Variants in SLC9A5 observed in about 807,000 individuals in gnomAD.
SLC9A5 encodes the protein sodium/hydrogen exchanger 5.
In SLC9A5, 52 loss-of-function variants were observed where a neutral mutation model predicts 91.7. The ratio of observed to expected loss-of-function variants is 0.57; its 90% confidence interval spans 0.45 to 0.71. SLC9A5 has a LOEUF of 0.71. SLC9A5 is among the 30% of genes least tolerant of loss of function. The pLI is 0.00. For synonymous variants in SLC9A5, 419 were observed against 474.5 expected (o/e 0.88, Z 1.52); for missense variants, 871 against 1,158.9 (o/e 0.75, Z 3.61).
intron 15 of SLC9A5, among the ~76,000 whole-genome samples, chr16:67,266,650 C>T (rs566764046): frequency 1.5e-3 from 232 of 152,152 alleles, no homozygotes; most frequent in Non-Finnish European, 2.5e-3. Context: ...AAGCAATTCT[C>T]CTGCCTCAGC....
chr16:67,258,234 C>G lies in SLC9A5; in HGVS notation c.1497-84C>G. 3.4e-6 allele frequency: 5 copies of G among 1,452,594 alleles called. No individual in the cohort carries two copies. Among genetic ancestry groups the G allele is most frequent in the Non-Finnish European group, 4.8e-6 (5 of 1,048,034 alleles). 90.0% of individuals were successfully genotyped at this position (1,452,594 alleles called of 1,614,324 possible). On this transcript the variant is annotated intron_variant, in intron 9 of 15. Coordinates refer to ENST00000299798, the MANE Select transcript of SLC9A5 (RefSeq NM_004594.3). The surrounding 1 kb of genome is among the most constrained non-coding windows in gnomAD (Gnocchi z 4.5). ...ATCTAAAAAGCCAGGCCAGTGCTGA[C>G]GGTGTCCTTGCCCCGTCTGAGGAAG...
chr16:67,257,168 T>C lies in SLC9A5; in HGVS notation c.1335+55T>C. On this transcript the variant is annotated intron_variant, in intron 7 of 15. Transcript: ENST00000299798. This position sits in a 1 kb window ranked among gnomAD's most constrained non-coding sequence, Gnocchi z 5.1. ...GAGGGTTGGGCAGGCCCTGGGGGAG[T>C]CTTGGAGCCTGTGGGACAGGGGCTT... 1.3e-6 allele frequency: 2 copies of C among 1,531,374 alleles called. No homozygotes were observed. The highest frequency in any genetic ancestry group is 1.9e-4 in the Middle Eastern group (1 of 5,342). 94.9% of individuals were successfully genotyped at this position (1,531,374 alleles called of 1,614,324 possible).
chr16:67,249,141 G>C lies in SLC9A5; in HGVS notation c.127G>C (p.Glu43Gln). Residue 43 changes from glutamate (E) to glutamine (Q), a missense_variant, in exon 1 of 16, where the codon GAG becomes CAG. This residue lies in a region of SLC9A5 where 122 missense variants were observed against 114.5 expected (regional missense o/e 1.07). Coordinates refer to ENST00000299798, the MANE Select transcript of SLC9A5 (RefSeq NM_004594.3). ...GLELFRWQWH[E>Q]VEAPYLVALW... is the part of the protein sequence containing the mutation. ...AGAGCTCTTCCGCTGGCAGTGGCAC[G>C]AGGTGGAGGCGCCCTACCTGGTGGC... 2 of 1,561,334 alleles carry C rather than the reference G, an allele frequency of 1.3e-6. No individual in the cohort carries two copies. The highest frequency in any genetic ancestry group is 1.7e-6 in the Non-Finnish European group (2 of 1,159,544).
chr16:67,255,466 G>A lies in SLC9A5; in HGVS notation c.728G>A (p.Gly243Glu). 6.2e-7 allele frequency: 1 copy of A among 1,613,848 alleles called. No individual in the cohort carries two copies. The highest frequency in any genetic ancestry group is 1.3e-5 in the African/African-American group (1 of 75,044). ...GTGCAGGCCACTGACTACCTGAAGG[G>A]AGTCGGTCAGTATTTCCCCGCTCCC... ...ANVQATDYLK[G>E]VASLFVVSLG... Residue 243 changes from glycine (G) to glutamate (E), a missense_variant, in exon 4 of 16, where the codon GGA becomes GAA. Coordinates refer to ENST00000299798, the MANE Select transcript of SLC9A5 (RefSeq NM_004594.3). The surrounding 1 kb of genome is among the most constrained non-coding windows in gnomAD (Gnocchi z 4.9).
intron 10 of SLC9A5, among the ~76,000 whole-genome samples, chr16:67,259,252 G>C (rs8064216): frequency 0.12 from 16,509 of 136,466 alleles, 2,332 homozygotes; most frequent in African/African-American, 0.35. Context: ...ATGTGACAGA[G>C]CAAGACTGTG....
intron 15 of SLC9A5, 62 bp downstream of exon 15, chr16:67,266,287 C>T: frequency 6.7e-7 from 1 of 1,483,108 alleles, no homozygotes; most frequent in Non-Finnish European, 9.0e-7. Flanking sequence ...TCTCTTCACT[C>T]ATGGCCTCTA....
intron 12 of SLC9A5, chr16:67,262,674 T>C (rs1200987769): frequency 5.1e-5 from 11 of 213,864 alleles, no homozygotes; most frequent in Non-Finnish European, 1.1e-4. Flanking sequence ...AGAGAATGGA[T>C]AAGTTCTCTG....
At position 67,271,111 on chromosome 16, in the gene SLC9A5, G is replaced by A; in HGVS notation, c.2592G>A (p.Glu864=). 1 of 1,613,848 alleles carries A rather than the reference G, an allele frequency of 6.2e-7. No individual in the cohort carries two copies. The highest frequency in any genetic ancestry group is 8.5e-7 in the Non-Finnish European group (1 of 1,180,026). The change falls in exon 16 of 16, where the codon GAG becomes GAA. Residue 864 remains glutamate, a synonymous_variant. Transcript: ENST00000299798. The stretch of plus-strand genomic sequence containing the variant: ...GCGCTGACCTCCCCCAGCAGCAGGA[G>A]CTGCAGCCCCTCATGGGCCACAAGG... ...ESSADLPQQQ[E]LQPLMGHKDH...
Position 67,255,656 on chromosome 16 carries a change from G to T in SLC9A5, c.734-97G>T, listed in dbSNP as rs776915034. ...TGGGGTTTTGAGCCCCTGGGAGTGCGGTGGGCATCATCCCTCACTCCCTGC... is the reference window on the plus strand; with the variant it reads ...TGGGGTTTTGAGCCCCTGGGAGTGCTGTGGGCATCATCCCTCACTCCCTGC... On this transcript the variant is annotated intron_variant, in intron 4 of 15. Coordinates refer to ENST00000299798, the MANE Select transcript of SLC9A5 (RefSeq NM_004594.3). The surrounding 1 kb of genome is among the most constrained non-coding windows in gnomAD (Gnocchi z 4.9). The T allele has an allele frequency of 2.9e-6, 4 of 1,388,122 alleles. No homozygotes were observed. Among genetic ancestry groups the T allele is most frequent in the Non-Finnish European group, 4.0e-6 (4 of 1,009,898 alleles). The allele number at this position is 1,388,122 out of a possible 1,614,324, so 86.0% of individuals were successfully genotyped here.
rs760031905 is a variant in SLC9A5, at chr16:67,255,549, G to A, written c.733+78G>A. 6 of 1,444,930 alleles carry A rather than the reference G, an allele frequency of 4.2e-6. No individual in the cohort carries two copies. Among genetic ancestry groups the A allele is most frequent in the Non-Finnish European group, 4.9e-6 (5 of 1,028,128 alleles). The allele number at this position is 1,444,930 out of a possible 1,614,324, so 89.5% of individuals were successfully genotyped here. ...GCTGAGGCCCTCCCACCCCGCATCA[G>A]GACAGAAGAGGCTATTCGGGTTGCC... On this transcript the variant is annotated intron_variant, in intron 4 of 15. Transcript: ENST00000299798. The surrounding 1 kb of genome is among the most constrained non-coding windows in gnomAD (Gnocchi z 4.9).
intron 1 of SLC9A5, 143 bp downstream of exon 1, chr16:67,249,344 G>T: frequency 3.3e-6 from 2 of 613,512 alleles, no homozygotes; most frequent in South Asian, 4.4e-5. Flanking sequence ...CCGGGCTCTC[G>T]CCCAGTTCCT....
rs2035347469 is a variant in SLC9A5 at position 67,257,090 on chromosome 16, GTCT to G, written c.1318_1320del (p.Phe440del). 1 of 1,611,708 alleles carries G rather than the reference GTCT, an allele frequency of 6.2e-7. No individual in the cohort carries two copies. Among genetic ancestry groups the G allele is most frequent in the South Asian group, 1.1e-5 (1 of 91,086 alleles). ...CTTTGTAGCCACCACTATTGTAGTG[GTCT>G]TCTTCACAGTCATCGTGCAGGTGGG... On this transcript the variant is annotated inframe_deletion, in exon 7 of 16. Transcript: ENST00000299798. The surrounding 1 kb of genome is among the most constrained non-coding windows in gnomAD (Gnocchi z 5.1).
Position 67,270,279 on chromosome 16 carries a change from G to A in SLC9A5, c.2219-459G>A, listed in dbSNP as rs372694789. On this transcript the variant is annotated intron_variant, in intron 15 of 15. Coordinates refer to ENST00000299798, the MANE Select transcript of SLC9A5 (RefSeq NM_004594.3). This position sits in a 1 kb window ranked among gnomAD's most constrained non-coding sequence, Gnocchi z 4.3. ...CGGCTCATTGCAACCTCTGCCTCCCGGGTTCAAGTGATTCTCTTGCCTCAG... is the reference window on the plus strand; with the variant it reads ...CGGCTCATTGCAACCTCTGCCTCCCAGGTTCAAGTGATTCTCTTGCCTCAG... Among the ~76,000 whole-genome samples, 1 of 152,080 alleles carries A rather than the reference G, an allele frequency of 6.6e-6. No individual in the cohort carries two copies.
In SLC9A5 at chr16:67,250,411, C is replaced by T. The variant is rs1327754906; in HGVS notation, c.187+1210C>T. On this transcript the variant is annotated intron_variant, in intron 1 of 15. Coordinates refer to ENST00000299798, the MANE Select transcript of SLC9A5 (RefSeq NM_004594.3). ...TGGAGAGATCTATGACCATGTTTAC[C>T]TTAGAGGTCCAGCAGCAATGAGAGT... Among the ~76,000 whole-genome samples the T allele has an allele frequency of 2.6e-5, 4 of 152,084 alleles. No homozygotes were observed. In the East Asian group the frequency reaches 7.7e-4, roughly 29 times the overall value.
In SLC9A5 at chr16:67,265,068, C is replaced by T. The variant is rs2035655434; in HGVS notation, c.2042C>T (p.Thr681Ile). ...GATGGTGTGGCGAATGCTGAGGCTA[C>T]AAATGGGAAACATCGAGGCCTGGGC... ...KKDGVANAEA[T>I]NGKHRGLGFQ... The change falls in exon 14 of 16, where the codon ACA becomes ATA. Residue 681 changes from threonine to isoleucine, a missense_variant. This residue lies in a region of SLC9A5 where 295 missense variants were observed against 326.0 expected (regional missense o/e 0.90). Coordinates refer to ENST00000299798, the MANE Select transcript of SLC9A5 (RefSeq NM_004594.3). The T allele has an allele frequency of 6.2e-7, 1 of 1,613,958 alleles. No homozygotes were observed. The highest frequency in any genetic ancestry group is 8.5e-7 in the Non-Finnish European group (1 of 1,180,014).
intron 1 of SLC9A5, among the ~76,000 whole-genome samples, chr16:67,250,268 C>T (rs745349957): frequency 4.6e-5 from 7 of 151,894 alleles, no homozygotes; most frequent in Non-Finnish European, 8.8e-5. Flanking sequence ...ATATGCCTTC[C>T]GGGAGCGTGG....
In SLC9A5 at chr16:67,271,202, C is replaced by T. The variant is rs777705471; in HGVS notation, c.2683C>T (p.Arg895Trp). The change falls in exon 16 of 16, where the codon CGG (arginine) becomes TGG (tryptophan). Residue 895 changes from arginine (R) to tryptophan (W), a missense_variant. This residue lies in a region of SLC9A5 where 295 missense variants were observed against 326.0 expected (regional missense o/e 0.90). Transcript: ENST00000299798. Reference protein sequence around the residue: ...HWCIQFNRGSRL With the variant: ...HWCIQFNRGSWL ...GTGCATCCAGTTCAACAGAGGCAGC[C>T]GGCTGTAGCTCAAGGCCTCGGGGAG... 16 of 1,611,208 alleles carry T rather than the reference C, an allele frequency of 9.9e-6. No individual in the cohort carries two copies. The highest frequency in any genetic ancestry group is 1.7e-5 in the Admixed American group (1 of 59,944).
intron 14 of SLC9A5, 33 bp from the exon 15 acceptor site, chr16:67,266,055 A>T (rs1302972244): frequency 6.2e-7 from 1 of 1,607,582 alleles, no homozygotes; most frequent in African/African-American, 1.3e-5. Context: ...CTGCCAGCCC[A>T]GGATGCCTGA....
rs1342743614 is a variant in SLC9A5 at position 67,258,242 on chromosome 16, T to C, written c.1497-76T>C. The C allele has an allele frequency of 7.9e-6, 12 of 1,522,842 alleles. No homozygotes were observed. The East Asian group carries it at 1.4e-4, about 17-fold the overall frequency. The allele number at this position is 1,522,842 out of a possible 1,614,324, so 94.3% of individuals were successfully genotyped here. ...AGCCAGGCCAGTGCTGACGGTGTCC[T>C]TGCCCCGTCTGAGGAAGGGCCACCT... On this transcript the variant is annotated intron_variant, in intron 9 of 15. Coordinates refer to ENST00000299798, the MANE Select transcript of SLC9A5 (RefSeq NM_004594.3). The surrounding 1 kb of genome is among the most constrained non-coding windows in gnomAD (Gnocchi z 4.5).
Sources: allele counts gnomAD v4.1 joint callset (sites outside exome capture counted in the v4.1 genomes callset), GRCh38; gene constraint gnomAD v4.1.1; regional missense constraint gnomAD v4.1.1; non-coding constraint Gnocchi (gnomAD v3.1); transcripts MANE v1.5; gene names NCBI Gene and HGNC (gene_info 2026-07-23, HGNC 2026-07-21).